Variants in SCAP observed in about 807,000 individuals in gnomAD.
The protein encoded by SCAP is SREBF chaperone.
In SCAP, 65 loss-of-function variants were observed where a neutral mutation model predicts 123.6. That is an observed-to-expected ratio of 0.53 (90% CI 0.43 to 0.65). The LOEUF is 0.65. Ranked by LOEUF, SCAP falls within the 30% of genes least tolerant of loss-of-function variation. SCAP has a pLI of 0.00. For missense variants in SCAP, 1,398 were observed against 1,712.5 expected (o/e 0.82, Z 3.24); for synonymous variants, 740 against 726.3 (o/e 1.02, Z -0.30).
chr3:47,445,166 A>G (rs1461450633), intron 1 of SCAP, among the ~76,000 whole-genome samples: 1 of 149,836 alleles, frequency 6.7e-6, no homozygotes, highest in Non-Finnish European at 1.5e-5. Flanking sequence ...GGCAGTTTCT[A>G]TGTTTTGCCT....
chr3:47,430,594 G>A (rs1406963564), intron 3 of SCAP, among the ~76,000 whole-genome samples: 3 of 152,204 alleles, frequency 2.0e-5, no homozygotes, highest in Non-Finnish European at 4.4e-5. Context: ...ATGACAAGCA[G>A]GCTTAGACTG....
At chr3:47,435,368 T>C (rs186574937) in intron 2 of SCAP, among the ~76,000 whole-genome samples, 49 of 152,128 alleles carry the variant, frequency 3.2e-4, no homozygotes, top group Non-Finnish European at 3.8e-4. Flanking sequence ...ACTGGTAAAA[T>C]AGACTGTTCT....
At chr3:47,454,110 G>A (rs2107964863) in intron 1 of SCAP, among the ~76,000 whole-genome samples, 1 of 152,336 alleles carries the variant, frequency 6.6e-6, no homozygotes, top group Non-Finnish European at 1.5e-5. Context: ...GCTCATGCCT[G>A]TAATCCCAGC....
Position 47,418,267 on chromosome 3 carries a change from T to C in SCAP, c.2332-18A>G. On this transcript the variant is annotated intron_variant, in intron 15 of 22. Transcript: ENST00000265565. The stretch of plus-strand genomic sequence containing the variant: ...TCGATGTCCTGCAGAAGCCCGGTGT[T>C]GGTATGGGCCAGGCTCCGGCCCTCC... The C allele has an allele frequency of 6.4e-7, 1 of 1,557,498 alleles. No homozygotes were observed. Among genetic ancestry groups the C allele is most frequent in the Non-Finnish European group, 8.7e-7 (1 of 1,150,940 alleles).
At chr3:47,465,779 AAAG>A (rs1387116363) in intron 1 of SCAP, among the ~76,000 whole-genome samples, 2 of 151,976 alleles carry the variant, frequency 1.3e-5, no homozygotes, top group African/African-American at 2.4e-5. Context: ...AAAAAAAAAA[AAAG>A]AATATTGTCT....
At position 47,427,547 on chromosome 3, in the gene SCAP, G is replaced by T; in HGVS notation, c.531C>A (p.Phe177Leu). Reference protein sequence around the residue: ...HGCLLLSPGNFWQNDWERFHA... With the variant: ...HGCLLLSPGNLWQNDWERFHA... The stretch of plus-strand genomic sequence containing the variant: ...GGAAGCGTTCCCAGTCATTCTGCCA[G>T]AAGTTCCCAGGGGACAGCAGCAGGC... The change falls in exon 5 of 23, where the codon TTC becomes TTA. Residue 177 changes from phenylalanine to leucine, a missense_variant. Phe to Leu is a conservative substitution (Grantham distance 22). Around this residue, in one of 7 missense-constraint regions of SCAP, gnomAD observed 319 missense variants for 432.4 expected, o/e 0.74. Transcript: ENST00000265565. 6.2e-7 allele frequency: 1 copy of T among 1,614,214 alleles called. No homozygotes were observed. Among genetic ancestry groups the T allele is most frequent in the Non-Finnish European group, 8.5e-7 (1 of 1,180,028 alleles).
rs200491328 is a variant in SCAP at position 47,427,521 on chromosome 3, T to C, written c.557A>G (p.His186Arg). Residue 186 changes from histidine (H) to arginine (R), a missense_variant, in exon 5 of 23, where the codon CAT becomes CGT. By Grantham distance (29) the His-to-Arg change is conservative (BLOSUM62 0). Around this residue, in one of 7 missense-constraint regions of SCAP, gnomAD observed 319 missense variants for 432.4 expected, o/e 0.74. Coordinates refer to ENST00000265565, the MANE Select transcript of SCAP (RefSeq NM_012235.4). ...GGTCCCAATGATGTCAGGATCAGCA[T>C]GGAAGCGTTCCCAGTCATTCTGCCA... is the stretch of plus-strand genomic sequence containing the variant. ...NFWQNDWERF[H>R]ADPDIIGTIH... 165 of 1,614,108 alleles carry C rather than the reference T, an allele frequency of 1.0e-4. No individual in the cohort carries two copies. The highest frequency in any genetic ancestry group is 1.6e-4 in the Middle Eastern group (1 of 6,084).
At chr3:47,430,353 C>G (rs1421831570) in intron 3 of SCAP, among the ~76,000 whole-genome samples, 3 of 152,164 alleles carry the variant, frequency 2.0e-5, no homozygotes, top group African/African-American at 7.2e-5. Flanking sequence ...CAAGAGTGTT[C>G]ACATATGCAA....
chr3:47,473,277 T>C (rs1008382486), intron 1 of SCAP, among the ~76,000 whole-genome samples: 1 of 151,962 alleles, frequency 6.6e-6, no homozygotes, highest in Non-Finnish European at 1.5e-5. Flanking sequence ...CACCTGGTTA[T>C]TATGAAAACT....
intron 1 of SCAP, chr3:47,469,819 C>T (rs1707965141): frequency 3.4e-6 from 2 of 585,028 alleles, no homozygotes; most frequent in African/African-American, 1.9e-5. Flanking sequence ...AGGCTATTAC[C>T]CTGGGCAGTT....
At chr3:47,444,275 C>T (rs1339822585) in intron 1 of SCAP, among the ~76,000 whole-genome samples, 1 of 152,124 alleles carries the variant, frequency 6.6e-6, no homozygotes, top group Non-Finnish European at 1.5e-5. Context: ...GGAACCTGCC[C>T]AGACACATTT....
At chr3:47,456,480 T>A (rs1707428064) in intron 1 of SCAP, among the ~76,000 whole-genome samples, 1 of 151,640 alleles carries the variant, frequency 6.6e-6, no homozygotes, top group Non-Finnish European at 1.5e-5. Flanking sequence ...TAAAAATTAC[T>A]TTAGGCCAGG....
chr3:47,416,125 A>G (rs1216303360), intron 18 of SCAP, among the ~76,000 whole-genome samples: 1 of 152,262 alleles, frequency 6.6e-6, no homozygotes, highest in East Asian at 1.9e-4. Flanking sequence ...AAAAGACTCC[A>G]GCTCTAGGTC....
At chr3:47,444,344 G>A (rs1419185169) in intron 1 of SCAP, among the ~76,000 whole-genome samples, 1 of 152,156 alleles carries the variant, frequency 6.6e-6, no homozygotes, top group Non-Finnish European at 1.5e-5. Context: ...CCTCATAAGT[G>A]TCAAGATCAG....
At chr3:47,456,019 AAGT>A (rs1707411661) in intron 1 of SCAP, among the ~76,000 whole-genome samples, 1 of 152,224 alleles carries the variant, frequency 6.6e-6, no homozygotes, top group Non-Finnish European at 1.5e-5. Context: ...AATGATAAAC[AAGT>A]AGGAGAAAGA....
chr3:47,442,467 G>A (rs1410266922), intron 2 of SCAP, among the ~76,000 whole-genome samples: 2 of 152,186 alleles, frequency 1.3e-5, no homozygotes, highest in Non-Finnish European at 2.9e-5. Context: ...CCTGCCACAG[G>A]TTGTCCAAGA....
Position 47,418,163 on chromosome 3 carries a change from C to G in SCAP, c.2418G>C (p.Gly806=). ...GGCGCGGAATGCGCGTTAGGCAATC[C>G]CCGGTCTGCGCGTCCCACACGCAGA... is the stretch of plus-strand genomic sequence containing the variant. ...GHVCVWDAQT[G]DCLTRIPRPG... Residue 806 remains glycine (G), a synonymous_variant, in exon 16 of 23, where the codon GGG becomes GGC. Coordinates refer to ENST00000265565, the MANE Select transcript of SCAP (RefSeq NM_012235.4). 3.2e-6 allele frequency: 5 copies of G among 1,570,838 alleles called. No individual in the cohort carries two copies. Among genetic ancestry groups the G allele is most frequent in the Non-Finnish European group, 4.3e-6 (5 of 1,158,760 alleles).
chr3:47,443,419 C>T (rs146871250), intron 1 of SCAP: 243 of 184,270 alleles, frequency 1.3e-3, no homozygotes, highest in Middle Eastern at 5.1e-3. Context: ...GTGTAACAGA[C>T]GTCACCTTCA....
chr3:47,434,305 C>T (rs772837566), intron 3 of SCAP, among the ~76,000 whole-genome samples: 9 of 152,188 alleles, frequency 5.9e-5, no homozygotes, highest in Non-Finnish European at 1.2e-4. Context: ...CAGAACAACA[C>T]AGAAGAAAGG....
Sources: gnomAD v4.1 joint callset for allele counts (sites outside exome capture counted in the v4.1 genomes callset) on GRCh38, gnomAD v4.1.1 for gene constraint, gnomAD v4.1.1 regional missense constraint, MANE v1.5 for transcripts, NCBI Gene and HGNC (gene_info 2026-07-23, HGNC 2026-07-21) for gene names.